The following HHLA2 variants were observed in gnomAD, a reference collection of about 807,000 sequenced individuals.
HHLA2 encodes HERV-H LTR-associating protein 2.
A neutral mutation model predicts 45.9 loss-of-function variants in HHLA2; 48 were observed. The ratio of observed to expected loss-of-function variants is 1.05; its 90% CI spans 0.83 to 1.33. HHLA2 has a LOEUF of 1.33. Among genes scored for constraint, HHLA2 ranks in the 40% most tolerant of loss-of-function variants. HHLA2 has a pLI of 0.00. For missense variants in HHLA2, 462 were observed against 494.3 expected, an observed-to-expected ratio of 0.93 and a Z score of 0.62; for synonymous variants, 161 against 173.9, an observed-to-expected ratio of 0.93 and a Z score of 0.59.
chr3:108,367,064 GGAA>G (rs1318385899), intron 8 of HHLA2, among the ~76,000 whole-genome samples: 1 of 152,160 alleles, frequency 6.6e-6, no homozygotes, highest in African/African-American at 2.4e-5. Context: ...CAGGCAAATA[GGAA>G]CTGGAGTGGA....
chr3:108,358,809 C>T (rs1339487001), intron 7 of HHLA2, among the ~76,000 whole-genome samples: 1 of 152,180 alleles, frequency 6.6e-6, no homozygotes, highest in East Asian at 1.9e-4. Flanking sequence ...GCAGCTCTTT[C>T]TGTCCTTCAA....
At chr3:108,330,697 G>A (rs984171837) in intron 3 of HHLA2, among the ~76,000 whole-genome samples, 2 of 152,088 alleles carry the variant, frequency 1.3e-5, no homozygotes, top group African/African-American at 2.4e-5. Context: ...AACAACAAGT[G>A]AGCTTGGAAG....
intron 7 of HHLA2, among the ~76,000 whole-genome samples, chr3:108,360,708 G>A (rs1343925480): frequency 6.6e-6 from 1 of 152,206 alleles, no homozygotes; most frequent in Non-Finnish European, 1.5e-5. Flanking sequence ...ATGCTACTCA[G>A]AATGGCACAC....
intron 3 of HHLA2, among the ~76,000 whole-genome samples, chr3:108,337,856 C>A (rs1413059889): frequency 1.3e-5 from 2 of 152,118 alleles, no homozygotes; most frequent in Non-Finnish European, 2.9e-5. Context: ...TAATTTCCTT[C>A]TTGCTTATGT....
chr3:108,376,487 C>A lies in HHLA2; in HGVS notation c.1160-6C>A. On this transcript the variant is annotated splice_polypyrimidine_tract_variant and splice_region_variant and intron_variant, in intron 9 of 10. Coordinates refer to ENST00000619531, the Ensembl canonical transcript of HHLA2. Reference sequence around the variant, plus strand: ...TATTTTTAAGTTCTCTTTTTTTTTCCTGTAGAAAGATGTTGTGTCCCTCCT... The same window carrying A: ...TATTTTTAAGTTCTCTTTTTTTTTCATGTAGAAAGATGTTGTGTCCCTCCT... 1 of 1,586,736 alleles carries A rather than the reference C, an allele frequency of 6.3e-7. No individual in the cohort carries two copies. Among genetic ancestry groups the A allele is most frequent in the Non-Finnish European group, 8.5e-7 (1 of 1,171,166 alleles).
intron 1 of HHLA2, among the ~76,000 whole-genome samples, chr3:108,306,763 T>C (rs542531529): frequency 1.3e-5 from 2 of 152,214 alleles, no homozygotes; most frequent in South Asian, 4.1e-4. Flanking sequence ...CAATTTGTAG[T>C]CTTGTTAATC....
exon 10 of HHLA2, chr3:108,376,504 G>A: frequency 6.2e-7 from 1 of 1,602,606 alleles, no homozygotes; most frequent in Non-Finnish European, 8.5e-7. Flanking sequence ...AAGATGTTGT[G>A]TCCCTCCTGG....
chr3:108,325,523 A>G (rs1354997614), intron 2 of HHLA2: 3 of 300,772 alleles, frequency 1.0e-5, no homozygotes, highest in Admixed American at 3.9e-5. Flanking sequence ...TTCTGCTACT[A>G]TTGCTACTGG....
In HHLA2 at chr3:108,348,905, G is replaced by C. The variant is rs561913815; in HGVS notation, c.-26-2883G>C. Among the ~76,000 whole-genome samples, 8 of 150,970 alleles carry C rather than the reference G, an allele frequency of 5.3e-5. No homozygotes were observed. In the East Asian group the frequency reaches 1.4e-3, roughly 26 times the overall value. ...ATGCAGCGTTTGGTTTTCTGATCTT[G>C]TGATAGTTTCCTGAGAATGATGGTT... On this transcript the variant is annotated intron_variant, in intron 3 of 10. Transcript: ENST00000619531.
intron 4 of HHLA2, among the ~76,000 whole-genome samples, chr3:108,352,924 T>A (rs1211333349): frequency 6.6e-6 from 1 of 152,248 alleles, no homozygotes; most frequent in African/African-American, 2.4e-5. Flanking sequence ...TGTACAGATA[T>A]CAGATTCCTG....
chr3:108,358,174 T>C lies in HHLA2; in HGVS notation c.1003+13T>C. The stretch of plus-strand genomic sequence containing the variant: ...ACAGTGCATGTAGGTAAGTTGCAAG[T>C]AGGTTTGGATAATGGGTTTTGGCTG... On this transcript the variant is annotated intron_variant, in intron 7 of 10. Transcript: ENST00000619531. 1 of 1,573,242 alleles carries C rather than the reference T, an allele frequency of 6.4e-7. No homozygotes were observed. Among genetic ancestry groups the C allele is most frequent in the Non-Finnish European group, 8.7e-7 (1 of 1,155,082 alleles).
intron 2 of HHLA2, among the ~76,000 whole-genome samples, chr3:108,323,610 T>G (rs992796991): frequency 6.6e-6 from 1 of 152,334 alleles, no homozygotes; most frequent in East Asian, 1.9e-4. Flanking sequence ...CTGAAATCCG[T>G]ACTATGTTCT....
chr3:108,355,443 T>C (rs568150511), intron 6 of HHLA2, 62 bp downstream of exon 5: 27 of 1,516,558 alleles, frequency 1.8e-5, no homozygotes, highest in Non-Finnish European at 2.4e-5. Context: ...TAATGGGGAC[T>C]GATTTGCAAA....
At chr3:108,359,956 T>C (rs1174465505) in intron 7 of HHLA2, among the ~76,000 whole-genome samples, 1 of 152,208 alleles carries the variant, frequency 6.6e-6, no homozygotes, top group Non-Finnish European at 1.5e-5. Context: ...ACAGGTTCTA[T>C]TGGGCATCTT....
chr3:108,363,417 T>G, intron 8 of HHLA2, among the ~76,000 whole-genome samples: 1 of 152,136 alleles, frequency 6.6e-6, no homozygotes, highest in East Asian at 1.9e-4. Context: ...CCTGGGAACT[T>G]GAGATAGATC....
chr3:108,305,941 T>TG, intron 1 of HHLA2, among the ~76,000 whole-genome samples: 2 of 152,318 alleles, frequency 1.3e-5, no homozygotes, highest in East Asian at 3.9e-4. Flanking sequence ...CCCCAGGTGC[T>TG]GCTGTCTGGA....
chr3:108,355,160 GCTT>G (rs2081862387), exon 6 of HHLA2: 2 of 1,613,468 alleles, frequency 1.2e-6, no homozygotes, highest in African/African-American at 2.7e-5. Flanking sequence ...AACACAAACA[GCTT>G]CTTAATATGC....
intron 3 of HHLA2, among the ~76,000 whole-genome samples, chr3:108,335,087 T>A (rs2081448805): frequency 6.6e-6 from 1 of 152,220 alleles, no homozygotes; most frequent in South Asian, 2.1e-4. Flanking sequence ...CTTTGCTCCC[T>A]TTAGCAAGTA....
In HHLA2 at chr3:108,337,522, G is replaced by T. The variant is rs138189154; in HGVS notation, c.-27+9175G>T. 9.8e-4 allele frequency among the ~76,000 whole-genome samples: 149 copies of T among 152,214 alleles called. 2 individuals are homozygous for T. The East Asian group carries it at 0.026, about 26-fold the overall frequency. On this transcript the variant is annotated intron_variant, in intron 3 of 10. Transcript: ENST00000619531. The stretch of plus-strand genomic sequence containing the variant: ...TATGTGGAATCTATGTGTTTGTACC[G>T]TCAAAGTTGAATGAATAGAAATATA...
Sources: gnomAD v4.1 joint callset for allele counts (sites outside exome capture counted in the v4.1 genomes callset) on GRCh38, gnomAD v4.1.1 for gene constraint, MANE v1.5 for transcripts, NCBI Gene and HGNC (gene_info 2026-07-23, HGNC 2026-07-21) for gene names.